The following DNAJB1 variants were observed in gnomAD, a reference collection of about 807,000 sequenced individuals.
DNAJB1 encodes dnaJ homolog subfamily B member 1.
DNAJB1 carries 14 observed loss-of-function variants against 24.0 expected under a neutral mutation model. The observed-to-expected ratio is 0.58, with a 90% confidence interval of 0.39 to 0.91. The LOEUF is 0.91. DNAJB1 is among the 40% of genes least tolerant of loss of function. The pLI is 0.00. For missense variants in DNAJB1, 517 were observed against 458.1 expected (o/e 1.13, Z -1.17); for synonymous variants, 262 against 174.4 (o/e 1.50, Z -3.96).
At chr19:14,549,293 A>C (rs1370912680) in intron 1 of DNAJB1, among the ~76,000 whole-genome samples, 4 of 144,600 alleles carry the variant, frequency 2.8e-5, no homozygotes, top group Admixed American at 2.2e-4. Context: ...GCTCACTGCA[A>C]CCTCTGCCTC....
At position 14,515,672 on chromosome 19, in the gene DNAJB1, C is replaced by T. The variant is rs1002627721; in HGVS notation, c.*268G>A. ...CCAGGGACTGGAGGTGGATGTGGGC[C>T]CATCCCGGGAGGGCTGCCAGACCCA... On this transcript the variant is annotated 3_prime_UTR_variant, in exon 3 of 3. Coordinates refer to ENST00000254322, the MANE Select transcript of DNAJB1 (RefSeq NM_006145.3). 9.4e-6 allele frequency: 4 copies of T among 425,054 alleles called. No homozygotes were observed. The highest frequency in any genetic ancestry group is 8.4e-5 in the African/African-American group (4 of 47,586). 26.3% of individuals were successfully genotyped at this position (425,054 alleles called of 1,614,324 possible).
intron 1 of DNAJB1, among the ~76,000 whole-genome samples, chr19:14,540,211 C>A (rs571568041): frequency 7.2e-4 from 109 of 152,060 alleles, no homozygotes; most frequent in African/African-American, 2.6e-3. Context: ...AGGCACCCAC[C>A]ACCACGCCTG....
At chr19:14,548,576 C>T (rs1032383078) in intron 1 of DNAJB1, among the ~76,000 whole-genome samples, 4 of 152,120 alleles carry the variant, frequency 2.6e-5, no homozygotes, top group East Asian at 1.9e-4. Flanking sequence ...TCATCTCTGT[C>T]GTCTCTTTTT....
intron 1 of DNAJB1, among the ~76,000 whole-genome samples, chr19:14,544,535 C>T (rs1426116198): frequency 6.6e-6 from 1 of 151,538 alleles, no homozygotes; most frequent in African/African-American, 2.4e-5. Context: ...GCTTTGAGTG[C>T]GGGTCCTGAG....
chr19:14,554,703 CCCACACCCACTCCACTCTCAGG>C (rs2146610644), upstream of DNAJB1, among the ~76,000 whole-genome samples: 1 of 152,252 alleles, frequency 6.6e-6, no homozygotes, highest in African/African-American at 2.4e-5. Context: ...ACCTCTCATC[CCCACACCCACTCCACTCTCAGG>C]CCACACCCAC....
upstream of DNAJB1, among the ~76,000 whole-genome samples, chr19:14,554,388 G>C (rs7252568): frequency 0.99 from 150,220 of 152,316 alleles, 74,078 homozygotes; most frequent in Middle Eastern, 1. Context: ...CAAGCTTCCC[G>C]CTCTGGCCCG....
Position 14,516,131 on chromosome 19 carries a change from C to A in DNAJB1, c.832G>T (p.Gly278Cys). ...GCTVNVPTLD[G>C]RTIPVVFKDV... ...TTGAATACGACGGGTATCGTCCTGC[C>A]GTCCAGAGTGGGGACGTTCACTGTG... The change falls in exon 3 of 3, where the codon GGC (glycine) becomes TGC (cysteine). Residue 278 changes from glycine to cysteine, a missense_variant. Coordinates refer to ENST00000254322, the MANE Select transcript of DNAJB1 (RefSeq NM_006145.3). The A allele has an allele frequency of 6.2e-7, 1 of 1,613,416 alleles. No homozygotes were observed. Among genetic ancestry groups the A allele is most frequent in the South Asian group, 1.1e-5 (1 of 91,038 alleles).
chr19:14,555,633 G>A (rs2073694777), intron 1 of DNAJB1, among the ~76,000 whole-genome samples: 1 of 151,574 alleles, frequency 6.6e-6, no homozygotes, highest in South Asian at 2.1e-4. Context: ...TTTACACGGG[G>A]TTTTACCATG....
At chr19:14,517,797 C>CGGGTCCGCAGCG in intron 1 of DNAJB1, 1 of 228,782 alleles carries the variant, frequency 4.4e-6, no homozygotes, top group Non-Finnish European at 8.5e-6. Flanking sequence ...CAGGTGAGCC[C>CGGGTCCGCAGCG]GGGTCCGCAG....
At chr19:14,538,098 C>T (rs760569007) in intron 1 of DNAJB1, among the ~76,000 whole-genome samples, 11 of 152,114 alleles carry the variant, frequency 7.2e-5, no homozygotes, top group Non-Finnish European at 1.3e-4. Context: ...AAACATAAGA[C>T]GTAGATGCTG....
At chr19:14,558,188 A>G (rs2073796380) in intron 1 of DNAJB1, among the ~76,000 whole-genome samples, 1 of 152,206 alleles carries the variant, frequency 6.6e-6, no homozygotes, top group South Asian at 2.1e-4. Context: ...GCCCAGGGCC[A>G]CACAGCCAGG....
rs545811900 is a variant in DNAJB1, at chr19:14,557,126, T to TG, written c.-2165-2809_-2165-2808insC. Among the ~76,000 whole-genome samples, 124 of 143,918 alleles carry TG rather than the reference T, an allele frequency of 8.6e-4. 1 individual carries two copies. In the South Asian group the frequency reaches 0.027, roughly 31 times the overall value. The allele number at this position is 143,918 out of a possible 152,430, so 94.4% of individuals were successfully genotyped here. On this transcript the variant is annotated intron_variant, in intron 1 of 5. Coordinates refer to the DNAJB1 transcript ENST00000679223. Reference sequence around the variant, plus strand: ...GTGTTGGTCTAATCTTATTTATTTATTTATTTATTTATTTATTTATTTATT... The same window carrying TG: ...GTGTTGGTCTAATCTTATTTATTTATGTTATTTATTTATTTATTTATTTATT...
upstream of DNAJB1, among the ~76,000 whole-genome samples, chr19:14,533,553 T>C (rs182414009): frequency 4.6e-5 from 7 of 152,246 alleles, no homozygotes; most frequent in Admixed American, 3.9e-4. Context: ...TTACAACTGA[T>C]AGAGGTAATG....
chr19:14,522,568 G>A (rs1393844372), upstream of DNAJB1, among the ~76,000 whole-genome samples: 4 of 150,366 alleles, frequency 2.7e-5, no homozygotes, highest in South Asian at 2.1e-4. Context: ...TCCTGCCTAA[G>A]TTTCCAGCCT....
intron 1 of DNAJB1, among the ~76,000 whole-genome samples, chr19:14,543,419 A>ATTTTTTTTTT (rs1169742953): frequency 4.6e-5 from 1 of 21,894 alleles, no homozygotes; most frequent in African/African-American, 2.4e-4. Flanking sequence ...ATATATATAT[A>ATTTTTTTTTT]TTTTTTTTTT....
At chr19:14,530,475 A>G (rs1326964278), upstream of DNAJB1, 1 of 152,238 alleles carries the variant, frequency 6.6e-6, no homozygotes. Flanking sequence ...CTATCATCAA[A>G]TAATAAAATT....
chr19:14,553,754 G>A (rs1419878480), upstream of DNAJB1, among the ~76,000 whole-genome samples: 1 of 152,120 alleles, frequency 6.6e-6, no homozygotes, highest in African/African-American at 2.4e-5. Flanking sequence ...GGGCATGATC[G>A]GGCCAGGCCT....
chr19:14,549,359 T>C (rs888363955), intron 1 of DNAJB1, among the ~76,000 whole-genome samples: 26 of 151,896 alleles, frequency 1.7e-4, no homozygotes, highest in African/African-American at 3.1e-4. Context: ...ACTACAGGCA[T>C]GCGCCACCAT....
intron 1 of DNAJB1, chr19:14,517,404 G>T: frequency 4.8e-6 from 1 of 209,160 alleles, no homozygotes; most frequent in Non-Finnish European, 9.5e-6. Context: ...TACTCTCAAC[G>T]TTTTAGGGCT....
Sources: allele counts gnomAD v4.1 joint callset (sites outside exome capture counted in the v4.1 genomes callset), GRCh38; gene constraint gnomAD v4.1.1; transcripts MANE v1.5; gene names NCBI Gene and HGNC (gene_info 2026-07-23, HGNC 2026-07-21).